Variants in MBOAT2 observed in about 807,000 individuals in gnomAD.
The protein encoded by MBOAT2 is membrane bound glycerophospholipid O-acyltransferase 2, also known as membrane-bound glycerophospholipid O-acyltransferase 2.
In MBOAT2, 28 loss-of-function variants were observed where a neutral mutation model predicts 63.4. The ratio of observed to expected loss-of-function variants is 0.44; its 90% CI spans 0.33 to 0.61. The LOEUF (loss-of-function observed/expected upper bound fraction) is 0.61. MBOAT2 is among the 20% of genes least tolerant of loss of function. MBOAT2 has a pLI of 0.03. For missense variants in MBOAT2, 470 were observed against 605.8 expected (o/e 0.78, Z 2.35); for synonymous variants, 211 against 215.6 (o/e 0.98, Z 0.19).
chr2:8,962,024 T>A (rs1669638571), intron 1 of MBOAT2, among the ~76,000 whole-genome samples: 1 of 152,102 alleles, frequency 6.6e-6, no homozygotes, highest in African/African-American at 2.4e-5. Context: ...TTCTGCCAGC[T>A]CCCCAGAGCA....
intron 3 of MBOAT2, among the ~76,000 whole-genome samples, chr2:8,930,085 A>G (rs888561319): frequency 6.6e-6 from 1 of 152,162 alleles, no homozygotes; most frequent in Admixed American, 6.5e-5. Context: ...TGTAAACACA[A>G]TTTGTAAAAT....
intron 3 of MBOAT2, among the ~76,000 whole-genome samples, chr2:8,926,225 C>T (rs1381025668): frequency 6.6e-6 from 1 of 152,148 alleles, no homozygotes; most frequent in Non-Finnish European, 1.5e-5. Context: ...ACCTCCTGGG[C>T]TCAAGCGATT....
chr2:8,886,684 G>T (rs1173460868), intron 5 of MBOAT2, among the ~76,000 whole-genome samples: 1 of 152,154 alleles, frequency 6.6e-6, no homozygotes, highest in Non-Finnish European at 1.5e-5. Flanking sequence ...CCATTTAAAA[G>T]AACAGGTTAC....
Position 8,858,644 on chromosome 2 carries a change from TC to T in MBOAT2, c.*34del. ...GTGCTAAGATTGGTTTCTGTTAACA[TC>T]AAAAAAAAAAAACAGCCCTCAGAGC... On this transcript the variant is annotated 3_prime_UTR_variant, in exon 13 of 13. Transcript: ENST00000305997. 1.5e-6 allele frequency: 2 copies of T among 1,373,412 alleles called. No homozygotes were observed. The highest frequency in any genetic ancestry group is 2.0e-6 in the Non-Finnish European group (2 of 993,452). 85.1% of individuals were successfully genotyped at this position (1,373,412 alleles called of 1,614,324 possible). A position where few individuals can be genotyped will look rare whatever the true frequency, so the allele number is the denominator to read the frequency against.
chr2:8,898,302 G>C (rs968648277), intron 4 of MBOAT2, among the ~76,000 whole-genome samples: 3 of 152,124 alleles, frequency 2.0e-5, no homozygotes, highest in Non-Finnish European at 4.4e-5. Context: ...TTAGAGTATA[G>C]AGGGGCCTGG....
chr2:8,929,329 T>C (rs1309800671), intron 3 of MBOAT2, among the ~76,000 whole-genome samples: 2 of 146,792 alleles, frequency 1.4e-5, no homozygotes, highest in Non-Finnish European at 3.0e-5. Flanking sequence ...TTTATTTATT[T>C]GTTCATTCAT....
chr2:9,003,646 C>G lies in MBOAT2; in HGVS notation c.-32G>C. 1 of 1,133,278 alleles carries G rather than the reference C, an allele frequency of 8.8e-7. No individual in the cohort carries two copies. The highest frequency in any genetic ancestry group is 1.1e-6 in the Non-Finnish European group (1 of 925,844). The allele number at this position is 1,133,278 out of a possible 1,614,324, so 70.2% of individuals were successfully genotyped here. On this transcript the variant is annotated 5_prime_UTR_variant, in exon 1 of 13. Coordinates refer to ENST00000305997, the MANE Select transcript of MBOAT2 (RefSeq NM_138799.4). The surrounding 1 kb of genome is among the most constrained non-coding windows in gnomAD (Gnocchi z 5.4). ...GCCTCGGCGCTCCGGCCGCCCGCGC[C>G]GCTCGCCCGCTCGCGCTGTGCCGGG...
chr2:8,997,959 G>A (rs900667488), intron 1 of MBOAT2, among the ~76,000 whole-genome samples: 1 of 152,200 alleles, frequency 6.6e-6, no homozygotes, highest in South Asian at 2.1e-4. Flanking sequence ...CAGAGAGGCA[G>A]TTTCAACTCT....
chr2:8,893,569 T>C (rs1411493988), intron 4 of MBOAT2, among the ~76,000 whole-genome samples: 1 of 152,198 alleles, frequency 6.6e-6, no homozygotes, highest in East Asian at 1.9e-4. Context: ...CACCTTTGCA[T>C]AGTAACTGCC....
intron 5 of MBOAT2, among the ~76,000 whole-genome samples, chr2:8,884,218 A>AAAAAAT: frequency 6.6e-6 from 1 of 150,402 alleles, no homozygotes; most frequent in Non-Finnish European, 1.5e-5. Flanking sequence ...AAAAAAAAAA[A>AAAAAAT]AAGTCTGGCT....
chr2:8,870,738 A>C (rs1390971438), intron 8 of MBOAT2, among the ~76,000 whole-genome samples: 1 of 152,240 alleles, frequency 6.6e-6, no homozygotes, highest in African/African-American at 2.4e-5. Flanking sequence ...GCATGGAATA[A>C]CTTTATTGCC....
chr2:8,916,748 T>C (rs1248117820), intron 3 of MBOAT2, among the ~76,000 whole-genome samples: 1 of 152,244 alleles, frequency 6.6e-6, no homozygotes, highest in Non-Finnish European at 1.5e-5. Flanking sequence ...CCCAACTGCA[T>C]AAAAGGCTTG....
In MBOAT2 at chr2:9,003,660, C is replaced by A. The variant is rs1451341573; in HGVS notation, c.-46G>T. The A allele has an allele frequency of 4.5e-6, 5 of 1,109,732 alleles. No individual in the cohort carries two copies. The highest frequency in any genetic ancestry group is 3.3e-6 in the Non-Finnish European group (3 of 907,506). 68.7% of individuals were successfully genotyped at this position (1,109,732 alleles called of 1,614,324 possible). On this transcript the variant is annotated 5_prime_UTR_variant, in exon 1 of 13. Coordinates refer to ENST00000305997, the MANE Select transcript of MBOAT2 (RefSeq NM_138799.4). This position sits in a 1 kb window ranked among gnomAD's most constrained non-coding sequence, Gnocchi z 5.4. ...GCCGCCCGCGCCGCTCGCCCGCTCG[C>A]GCTGTGCCGGGCGACGACGAGGATG...
chr2:8,889,048 T>C (rs1200726703), intron 4 of MBOAT2, among the ~76,000 whole-genome samples: 1 of 152,128 alleles, frequency 6.6e-6, no homozygotes, highest in Non-Finnish European at 1.5e-5. Flanking sequence ...TCTATACACA[T>C]GCAGAGGAGA....
chr2:8,860,339 C>A (rs1454139256), intron 12 of MBOAT2, among the ~76,000 whole-genome samples: 1 of 152,020 alleles, frequency 6.6e-6, no homozygotes, highest in African/African-American at 2.4e-5. Flanking sequence ...ATTAAGCTAA[C>A]AAGTTTTTTG....
chr2:8,971,577 G>C (rs1670460967), intron 1 of MBOAT2, among the ~76,000 whole-genome samples: 1 of 152,196 alleles, frequency 6.6e-6, no homozygotes, highest in South Asian at 2.1e-4. Context: ...AAGTCAAATT[G>C]TCCCTGTTTG....
At chr2:8,931,689 G>T (rs1188966119) in intron 3 of MBOAT2, among the ~76,000 whole-genome samples, 2 of 152,110 alleles carry the variant, frequency 1.3e-5, no homozygotes, top group Non-Finnish European at 2.9e-5. Context: ...GTACTGCCTA[G>T]ATTTTCTTCT....
chr2:8,907,377 G>C (rs918944885), intron 4 of MBOAT2, among the ~76,000 whole-genome samples: 6 of 152,324 alleles, frequency 3.9e-5, no homozygotes, highest in African/African-American at 1.2e-4. Flanking sequence ...ACCAATATAG[G>C]TGCAAATTCT....
At chr2:8,868,366 A>G (rs1662052241) in intron 9 of MBOAT2, 80 bp downstream of exon 9, 2 of 1,176,088 alleles carry the variant, frequency 1.7e-6, no homozygotes, top group African/African-American at 1.5e-5. Flanking sequence ...TACCACTCCT[A>G]GGACATCACA....
Sources: gnomAD v4.1 joint callset for allele counts (sites outside exome capture counted in the v4.1 genomes callset) on GRCh38, gnomAD v4.1.1 for gene constraint, Gnocchi (gnomAD v3.1) non-coding constraint, MANE v1.5 for transcripts, NCBI Gene and HGNC (gene_info 2026-07-23, HGNC 2026-07-21) for gene names.